GRIN2B: variants seen among roughly 807,000 people sequenced by gnomAD.
The protein encoded by GRIN2B is glutamate ionotropic receptor NMDA type subunit 2B, also known as glutamate receptor ionotropic, NMDA 2B.
In GRIN2B, 5 loss-of-function variants were observed where a neutral mutation model predicts 114.5. That is an observed-to-expected ratio of 0.04 (90% confidence interval 0.02 to 0.09). The LOEUF is 0.09. Among genes scored for constraint, GRIN2B ranks in the 10% least tolerant of loss-of-function variants. GRIN2B has a pLI of 1.00. For missense variants in GRIN2B, 1,108 were observed against 1,943.5 expected (o/e 0.57, Z 8.08); for synonymous variants, 787 against 745.1 (o/e 1.06, Z -0.92).
rs1948285938 is a variant in GRIN2B, at chr12:13,542,115, A to T, written c.*20668T>A. ...TCTCTCAAGGCTTTTAAAGACTTTCATTCATTTCCATGCTCCTGTCCCACT... is the reference window on the plus strand; with the variant it reads ...TCTCTCAAGGCTTTTAAAGACTTTCTTTCATTTCCATGCTCCTGTCCCACT... On this transcript the variant is annotated 3_prime_UTR_variant, in exon 14 of 14. Coordinates refer to ENST00000609686, the MANE Select transcript of GRIN2B (RefSeq NM_000834.5). 6.6e-6 allele frequency: 1 copy of T among 152,154 alleles called. No homozygotes were observed. Among genetic ancestry groups the T allele is most frequent in the South Asian group, 2.1e-4 (1 of 4,818 alleles). 9.4% of individuals were successfully genotyped at this position (152,154 alleles called of 1,614,324 possible). A position where few individuals can be genotyped will look rare whatever the true frequency, so the allele number is the denominator to read the frequency against.
At chr12:13,649,833 T>C (rs1380438473) in intron 5 of GRIN2B, among the ~76,000 whole-genome samples, 1 of 152,114 alleles carries the variant, frequency 6.6e-6, no homozygotes, top group African/African-American at 2.4e-5. Context: ...ATGTGCAAAA[T>C]AGAAGGATGA....
At chr12:13,627,980 A>C (rs1428950974) in intron 5 of GRIN2B, among the ~76,000 whole-genome samples, 2 of 152,220 alleles carry the variant, frequency 1.3e-5, no homozygotes, top group East Asian at 1.9e-4. Context: ...AGGGGTTCCC[A>C]AACCAAGTAA....
rs1230018548 is a variant in GRIN2B, at chr12:13,865,858, T to C, written c.351A>G (p.Ala117=). ...TGCCCAGGATGGGGGTGAGAGTCTG[T>C]GCTGAAATGAAATCGAGGATCTGGG... ...AIAQILDFIS[A]QTLTPILGIH... is the part of the protein sequence containing the mutation. Residue 117 remains alanine, a synonymous_variant, in exon 3 of 14, where the codon GCA becomes GCG. Transcript: ENST00000609686. 6.2e-7 allele frequency: 1 copy of C among 1,614,044 alleles called. No homozygotes were observed. The highest frequency in any genetic ancestry group is 8.5e-7 in the Non-Finnish European group (1 of 1,179,958).
At chr12:13,733,947 A>T (rs902205775) in intron 4 of GRIN2B, among the ~76,000 whole-genome samples, 3 of 152,230 alleles carry the variant, frequency 2.0e-5, no homozygotes, top group Non-Finnish European at 4.4e-5. Context: ...CTAAGGTAAC[A>T]CAGCAAATTA....
intron 4 of GRIN2B, among the ~76,000 whole-genome samples, chr12:13,705,837 T>C (rs57382938): frequency 0.16 from 24,120 of 152,128 alleles, 2,246 homozygotes; most frequent in African/African-American, 0.24. Context: ...ACTGCAATTG[T>C]TTAGTCTAGA....
At chr12:13,782,467 C>T (rs946634742) in intron 3 of GRIN2B, among the ~76,000 whole-genome samples, 2 of 152,140 alleles carry the variant, frequency 1.3e-5, no homozygotes, top group African/African-American at 2.4e-5. Flanking sequence ...CAGTAATATA[C>T]TTTTGCTCTT....
At chr12:13,775,267 C>T (rs1863983592) in intron 3 of GRIN2B, among the ~76,000 whole-genome samples, 1 of 152,166 alleles carries the variant, frequency 6.6e-6, no homozygotes, top group Admixed American at 6.6e-5. Context: ...TAGGTAATAA[C>T]TATACTGGAT....
At chr12:13,681,474 A>G (rs1196209672) in intron 4 of GRIN2B, among the ~76,000 whole-genome samples, 1 of 152,164 alleles carries the variant, frequency 6.6e-6, no homozygotes, top group African/African-American at 2.4e-5. Flanking sequence ...AGTTCCAGGC[A>G]AGGGACAAAT....
intron 3 of GRIN2B, among the ~76,000 whole-genome samples, chr12:13,850,286 G>A (rs1164348691): frequency 6.6e-6 from 1 of 152,126 alleles, no homozygotes; most frequent in African/African-American, 2.4e-5. Flanking sequence ...AGACTGATGT[G>A]CACTCAATTT....
chr12:13,973,610 C>T (rs1485203266), intron 2 of GRIN2B, among the ~76,000 whole-genome samples: 2 of 152,142 alleles, frequency 1.3e-5, no homozygotes, highest in Non-Finnish European at 2.9e-5. Flanking sequence ...ACTGTGCCTC[C>T]CCTGCTCTGC....
chr12:13,683,295 G>T, intron 4 of GRIN2B, among the ~76,000 whole-genome samples: 1 of 152,252 alleles, frequency 6.6e-6, no homozygotes, highest in East Asian at 1.9e-4. Flanking sequence ...AAAGAATACA[G>T]TGTATATAAC....
At chr12:13,777,667 T>C (rs1408954982) in intron 3 of GRIN2B, among the ~76,000 whole-genome samples, 2 of 152,292 alleles carry the variant, frequency 1.3e-5, no homozygotes, top group South Asian at 2.1e-4. Context: ...TGATTTCTCT[T>C]CCAAAGTCTT....
rs1418439148 is a variant in GRIN2B at position 13,549,091 on chromosome 12, T to C, written c.*13692A>G. 1 of 152,220 alleles carries C rather than the reference T, an allele frequency of 6.6e-6. No individual in the cohort carries two copies. The highest frequency in any genetic ancestry group is 1.5e-5 in the Non-Finnish European group (1 of 68,036). The allele number at this position is 152,220 out of a possible 1,614,324, so 9.4% of individuals were successfully genotyped here. On this transcript the variant is annotated 3_prime_UTR_variant, in exon 14 of 14. Transcript: ENST00000609686. ...AAGCATAATGCTGTGAGCCAAAATT[T>C]CTTCTGCAGCCCAAACTAAAGATAC... is the stretch of plus-strand genomic sequence containing the variant.
rs1247484950 is a variant in GRIN2B at position 13,981,582 on chromosome 12, G to C, written c.-688C>G. On this transcript the variant is annotated 5_prime_UTR_variant, in exon 1 of 14. Coordinates refer to ENST00000609686, the MANE Select transcript of GRIN2B (RefSeq NM_000834.5). ...GAGCGAAGCCCCGAGATTTCCTAGA[G>C]GTGAAGAAGCCGGAGGAAGTGGTTT... is the stretch of plus-strand genomic sequence containing the variant. The C allele has an allele frequency of 1.3e-5, 2 of 151,590 alleles. No homozygotes were observed. Among genetic ancestry groups the C allele is most frequent in the African/African-American group, 4.9e-5 (2 of 41,210 alleles). 9.4% of individuals were successfully genotyped at this position (151,590 alleles called of 1,614,324 possible). A position where few individuals can be genotyped will look rare whatever the true frequency, so the allele number is the denominator to read the frequency against.
chr12:13,603,955 T>C (rs576803694), intron 10 of GRIN2B, among the ~76,000 whole-genome samples: 28 of 152,096 alleles, frequency 1.8e-4, no homozygotes, highest in Non-Finnish European at 3.2e-4. Flanking sequence ...GTGTGAAGAC[T>C]ATCCAAATAG....
At position 13,577,321 on chromosome 12, in the gene GRIN2B, C is replaced by T. The variant is rs144052822; in HGVS notation, c.2011-5357G>A. 6.6e-3 allele frequency among the ~76,000 whole-genome samples: 1,009 copies of T among 152,312 alleles called. 12 individuals carry two copies. Among genetic ancestry groups the T allele is most frequent in the African/African-American group, 0.023 (947 of 41,562 alleles). Reference sequence around the variant, plus strand: ...TAAAAGAGCTGTAATCTCATTTGATCCTCCTGGAGAGCAGCAGGGAATCAG... The same window carrying T: ...TAAAAGAGCTGTAATCTCATTTGATTCTCCTGGAGAGCAGCAGGGAATCAG... On this transcript the variant is annotated intron_variant, in intron 10 of 13. Coordinates refer to ENST00000609686, the MANE Select transcript of GRIN2B (RefSeq NM_000834.5).
intron 2 of GRIN2B, among the ~76,000 whole-genome samples, chr12:13,956,748 C>T (rs1254719012): frequency 6.6e-6 from 1 of 152,152 alleles, no homozygotes; most frequent in East Asian, 1.9e-4. Context: ...GGCAATGAAG[C>T]GCACGACGGA....
At chr12:13,832,441 C>T (rs1355609572) in intron 3 of GRIN2B, among the ~76,000 whole-genome samples, 1 of 152,162 alleles carries the variant, frequency 6.6e-6, no homozygotes, top group African/African-American at 2.4e-5. Flanking sequence ...AATAAAACCT[C>T]CCAGAGTAGA....
chr12:13,666,787 C>A (rs906528215), intron 5 of GRIN2B, among the ~76,000 whole-genome samples: 3 of 152,058 alleles, frequency 2.0e-5, no homozygotes, highest in African/African-American at 7.2e-5. Flanking sequence ...AAAAACTCAA[C>A]GCATAAGATC....
Sources: allele counts gnomAD v4.1 joint callset (sites outside exome capture counted in the v4.1 genomes callset), GRCh38; gene constraint gnomAD v4.1.1; transcripts MANE v1.5; gene names NCBI Gene and HGNC (gene_info 2026-07-23, HGNC 2026-07-21).